The following RIN2 variants were observed in gnomAD, a reference collection of about 807,000 sequenced individuals.
The protein encoded by RIN2 is Ras and Rab interactor 2, also known as RAB5 interacting protein 2.
Under a neutral mutation model 78.0 loss-of-function variants are expected in RIN2, and 36 were observed. The ratio of observed to expected loss-of-function variants is 0.46; its 90% confidence interval spans 0.35 to 0.61. RIN2 has a LOEUF of 0.61. Among genes scored for constraint, RIN2 ranks in the 20% least tolerant of loss-of-function variants. RIN2 has a pLI of 0.00. For synonymous variants in RIN2, 466 were observed against 466.8 expected, an observed-to-expected ratio of 1.00 and a Z score of 0.02; for missense variants, 1,087 against 1,159.7, an observed-to-expected ratio of 0.94 and a Z score of 0.91.
At position 19,911,102 on chromosome 20, in the gene RIN2, G is replaced by A. The variant is rs60015686; in HGVS notation, c.57+21444G>A. ...TTTCACTCTTGTTGCCCAGCCTGGA[G>A]TGCAGTGGTGCAAACTCGACTCACT... On this transcript the variant is annotated intron_variant, in intron 3 of 12. Transcript: ENST00000255006. Among the ~76,000 whole-genome samples, 903 of 152,030 alleles carry A rather than the reference G, an allele frequency of 5.9e-3. 7 individuals are homozygous for A. Among genetic ancestry groups the A allele is most frequent in the African/African-American group, 0.02 (838 of 41,456 alleles).
intron 1 of RIN2, among the ~76,000 whole-genome samples, chr20:19,771,905 G>A (rs1266284592): frequency 2.0e-5 from 3 of 151,974 alleles, no homozygotes; most frequent in Non-Finnish European, 4.4e-5. Context: ...TCACTCTCTC[G>A]TTATTTTGAG....
intron 1 of RIN2, among the ~76,000 whole-genome samples, chr20:19,780,044 G>T (rs964052332): frequency 6.6e-6 from 1 of 152,128 alleles, no homozygotes; most frequent in Non-Finnish European, 1.5e-5. Flanking sequence ...TCTACTCATT[G>T]TATATGATTT....
chr20:19,779,194 G>A (rs2034412910), intron 1 of RIN2, among the ~76,000 whole-genome samples: 1 of 152,016 alleles, frequency 6.6e-6, no homozygotes, highest in Non-Finnish European at 1.5e-5. Context: ...AGGATTGGAG[G>A]GTGTTTGATT....
chr20:19,849,956 A>G (rs1394403810), intron 2 of RIN2, among the ~76,000 whole-genome samples: 1 of 152,158 alleles, frequency 6.6e-6, no homozygotes, highest in Non-Finnish European at 1.5e-5. Flanking sequence ...GAAAGGAACA[A>G]GTTCCTTTCT....
chr20:19,881,969 G>A (rs760577795), intron 2 of RIN2, among the ~76,000 whole-genome samples: 3 of 152,150 alleles, frequency 2.0e-5, no homozygotes, highest in Non-Finnish European at 4.4e-5. Flanking sequence ...AAAATCACTG[G>A]TATTGTAGCC....
chr20:19,940,244 G>T (rs938897321), intron 4 of RIN2, among the ~76,000 whole-genome samples: 1 of 152,152 alleles, frequency 6.6e-6, no homozygotes. Context: ...GCAGTGCCAG[G>T]GACAGTATCT....
intron 2 of RIN2, among the ~76,000 whole-genome samples, chr20:19,816,847 A>G (rs1376014736): frequency 6.6e-6 from 1 of 152,260 alleles, no homozygotes; most frequent in South Asian, 2.1e-4. Flanking sequence ...AAAATTTGCA[A>G]ATTTCAGGAT....
intron 1 of RIN2, among the ~76,000 whole-genome samples, chr20:19,779,142 C>T (rs1352339250): frequency 6.6e-6 from 1 of 152,102 alleles, no homozygotes; most frequent in Non-Finnish European, 1.5e-5. Context: ...GAGCCATATT[C>T]CTTGCAATTC....
chr20:19,911,323 G>A (rs1280869190), intron 3 of RIN2, among the ~76,000 whole-genome samples: 1 of 152,136 alleles, frequency 6.6e-6, no homozygotes, highest in East Asian at 1.9e-4. Flanking sequence ...AAAGTGCTGG[G>A]ATTACAGGCG....
chr20:19,788,812 A>T (rs1045022855), intron 1 of RIN2, among the ~76,000 whole-genome samples: 5 of 152,234 alleles, frequency 3.3e-5, no homozygotes, highest in African/African-American at 7.2e-5. Flanking sequence ...TCATGGATTG[A>T]GATATTTTAA....
intron 5 of RIN2, among the ~76,000 whole-genome samples, chr20:19,960,076 C>A (rs1191482643): frequency 6.6e-6 from 1 of 152,200 alleles, no homozygotes; most frequent in African/African-American, 2.4e-5. Context: ...CAGAGTGCAT[C>A]CACCCACCAC....
In RIN2 at chr20:19,850,923, A is replaced by G. The variant is rs533391171; in HGVS notation, c.-36-38643A>G. Among the ~76,000 whole-genome samples the G allele has an allele frequency of 1.6e-3, 246 of 152,018 alleles. 2 individuals are homozygous for G. Among genetic ancestry groups the G allele is most frequent in the African/African-American group, 5.6e-3 (231 of 41,470 alleles). ...TGGGATGCAGAAATTGCAGTAAGCC[A>G]AGATCGTGCCACTGCACTCCAGCCT... On this transcript the variant is annotated intron_variant, in intron 2 of 12. Transcript: ENST00000255006.
chr20:19,792,328 T>TTTATTTGAG (rs2034912965), intron 1 of RIN2, among the ~76,000 whole-genome samples: 1 of 152,212 alleles, frequency 6.6e-6, no homozygotes, highest in African/African-American at 2.4e-5. Flanking sequence ...TTCAAGTATA[T>TTTATTTGAG]AACATGCTTT....
At chr20:19,769,719 T>C (rs186432639) in intron 1 of RIN2, among the ~76,000 whole-genome samples, 4 of 152,146 alleles carry the variant, frequency 2.6e-5, no homozygotes, top group Admixed American at 2.0e-4. Flanking sequence ...GCAGCTGGAG[T>C]AATGGCTGAG....
At chr20:19,884,337 A>C (rs2038115233) in intron 2 of RIN2, among the ~76,000 whole-genome samples, 1 of 152,058 alleles carries the variant, frequency 6.6e-6, no homozygotes, top group Admixed American at 6.5e-5. Context: ...AGGTGGGAGA[A>C]TCACTTGAGC....
chr20:19,802,287 C>T (rs542941910), intron 2 of RIN2, among the ~76,000 whole-genome samples: 91 of 152,132 alleles, frequency 6.0e-4, no homozygotes, highest in African/African-American at 2.0e-3. Context: ...GGCCCTGTCC[C>T]GAGCACCCCG....
intron 3 of RIN2, among the ~76,000 whole-genome samples, chr20:19,896,145 A>C (rs932165519): frequency 1.3e-5 from 2 of 152,070 alleles, no homozygotes; most frequent in African/African-American, 4.8e-5. Context: ...TAGAATCAAA[A>C]ACCACATTTT....
chr20:19,781,885 C>T (rs374070012), intron 1 of RIN2, among the ~76,000 whole-genome samples: 19 of 151,682 alleles, frequency 1.3e-4, no homozygotes, highest in East Asian at 3.9e-4. Context: ...GCTAGGAATA[C>T]GAAACCTAAA....
chr20:19,953,850 T>C (rs1040411286), intron 4 of RIN2, among the ~76,000 whole-genome samples: 2 of 152,230 alleles, frequency 1.3e-5, no homozygotes, highest in African/African-American at 2.4e-5. Flanking sequence ...TTTTTTTAAC[T>C]GCAAATATTC....
Sources: allele counts gnomAD v4.1 joint callset (sites outside exome capture counted in the v4.1 genomes callset), GRCh38; gene constraint gnomAD v4.1.1; transcripts MANE v1.5; gene names NCBI Gene and HGNC (gene_info 2026-07-23, HGNC 2026-07-21).